Variants in THADA observed in about 807,000 individuals in gnomAD.
THADA encodes tRNA (32-2'-O)-methyltransferase regulator THADA.
A neutral mutation model predicts 219.8 loss-of-function variants in THADA; 213 were observed. That is an observed-to-expected ratio of 0.97 (90% CI 0.87 to 1.09). The LOEUF (loss-of-function observed/expected upper bound fraction) is 1.09. Among genes scored for constraint, THADA ranks in the 50% least tolerant of loss-of-function variants. THADA has a pLI of 0.00. For missense variants in THADA, 2,956 were observed against 2,311.3 expected, an observed-to-expected ratio of 1.28 and a Z score of -5.72; for synonymous variants, 1,018 against 828.9, an observed-to-expected ratio of 1.23 and a Z score of -3.92.
chr2:43,491,078 G>A (rs1029183740), intron 25 of THADA, among the ~76,000 whole-genome samples: 8 of 152,088 alleles, frequency 5.3e-5, no homozygotes, highest in South Asian at 4.1e-4. Context: ...ATGGTTCAAG[G>A]ATATCTGTTT....
chr2:43,335,008 A>G (rs1055776535), intron 30 of THADA, among the ~76,000 whole-genome samples: 2 of 152,202 alleles, frequency 1.3e-5, no homozygotes, highest in Admixed American at 6.5e-5. Flanking sequence ...GAATGAGGCA[A>G]TGGGGATGGG....
At chr2:43,552,046 CAT>C (rs1184586190) in intron 18 of THADA, 121 bp from the exon 19 acceptor site, 1 of 1,537,560 alleles carries the variant, frequency 6.5e-7, no homozygotes, top group African/African-American at 1.4e-5. Context: ...ACATGTGAGA[CAT>C]AAAAATATAC....
intron 26 of THADA, among the ~76,000 whole-genome samples, chr2:43,457,077 G>A (rs1244764231): frequency 6.7e-6 from 1 of 148,272 alleles, no homozygotes; most frequent in African/African-American, 2.5e-5. Context: ...CAGGAAGACA[G>A]CTATGAAGTG....
At chr2:43,237,353 A>G (rs1668149517) in intron 36 of THADA, among the ~76,000 whole-genome samples, 1 of 151,618 alleles carries the variant, frequency 6.6e-6, no homozygotes, top group South Asian at 2.1e-4. Context: ...ATTAAAATGT[A>G]CCGAACACCT....
rs139399561 is a variant in THADA, at chr2:43,256,132, T to C, written c.5297-23250A>G. Among the ~76,000 whole-genome samples the C allele has an allele frequency of 3.5e-3, 526 of 152,284 alleles. 2 individuals carry two copies. The highest frequency in any genetic ancestry group is 0.012 in the African/African-American group (500 of 41,554). ...CACCTGGATGTTCATGAATCCAAGATAGAAGGAATAAAAACACTCCTCCCA... is the reference window on the plus strand; with the variant it reads ...CACCTGGATGTTCATGAATCCAAGACAGAAGGAATAAAAACACTCCTCCCA... On this transcript the variant is annotated intron_variant, in intron 36 of 37. Transcript: ENST00000405975.
intron 26 of THADA, among the ~76,000 whole-genome samples, chr2:43,431,623 G>A (rs181122244): frequency 0.04 from 4,122 of 103,476 alleles, 152 homozygotes; most frequent in South Asian, 0.08. Context: ...CCGCCACCAC[G>A]CCCGGATAAT....
intron 36 of THADA, among the ~76,000 whole-genome samples, chr2:43,262,958 T>C (rs1452215283): frequency 6.6e-6 from 1 of 152,202 alleles, no homozygotes; most frequent in Non-Finnish European, 1.5e-5. Flanking sequence ...TAATGTGCAA[T>C]CATCTCCCAC....
chr2:43,275,338 G>A (rs13026309), intron 36 of THADA, among the ~76,000 whole-genome samples: 75,075 of 151,894 alleles, frequency 0.49, 18,980 homozygotes, highest in Middle Eastern at 0.66. Context: ...AAATGGAGAC[G>A]GGAATGGGAG....
chr2:43,585,010 A>G (rs1285004957), intron 7 of THADA, among the ~76,000 whole-genome samples: 2 of 152,180 alleles, frequency 1.3e-5, no homozygotes, highest in African/African-American at 4.8e-5. Context: ...AGCAACCAGA[A>G]TATTAAGACA....
chr2:43,259,813 G>T (rs115932826), intron 36 of THADA, among the ~76,000 whole-genome samples: 1 of 152,142 alleles, frequency 6.6e-6, no homozygotes, highest in African/African-American at 2.4e-5. Context: ...TTTGGCCCTT[G>T]TGCAAATATT....
chr2:43,594,527 T>C (rs1029912679), intron 1 of THADA, among the ~76,000 whole-genome samples: 2 of 152,094 alleles, frequency 1.3e-5, no homozygotes, highest in Non-Finnish European at 2.9e-5. Context: ...GAGGTTGCAG[T>C]GAGCCGAGAT....
At chr2:43,328,898 C>T (rs989259115) in intron 30 of THADA, among the ~76,000 whole-genome samples, 1 of 152,168 alleles carries the variant, frequency 6.6e-6, no homozygotes, top group Non-Finnish European at 1.5e-5. Flanking sequence ...AATCACCTGC[C>T]TTTCCAGAGA....
Position 43,574,750 on chromosome 2 carries a change from C to T in THADA, c.1315G>A (p.Glu439Lys). ...AATCGTAAAAGACTCTCAGTCAATT[C>T]CACAAAGAAAGGATCAGGGACGAAA... Reference protein sequence around the residue: ...ADFVPDPFFVELTESLLRLEW... With the variant: ...ADFVPDPFFVKLTESLLRLEW... Residue 439 changes from glutamate to lysine, a missense_variant, in exon 11 of 38, where the codon GAA becomes AAA. Transcript: ENST00000405975. The T allele has an allele frequency of 2.5e-6, 4 of 1,613,986 alleles. No individual in the cohort carries two copies. Among genetic ancestry groups the T allele is most frequent in the Non-Finnish European group, 3.4e-6 (4 of 1,179,882 alleles).
At chr2:43,294,836 A>G (rs988065910) in intron 31 of THADA, among the ~76,000 whole-genome samples, 39 of 146,116 alleles carry the variant, frequency 2.7e-4, no homozygotes, top group Non-Finnish European at 4.9e-4. Context: ...AAAAAGGCAA[A>G]AAAGAAAGAA....
intron 29 of THADA, among the ~76,000 whole-genome samples, chr2:43,347,654 GGGAGGAGAAAAATATTT>G: frequency 1.3e-5 from 2 of 152,222 alleles, no homozygotes; most frequent in Admixed American, 1.3e-4. Flanking sequence ...GAAAGAGGTG[GGGAGGAGAAAAATATTT>G]GGGAACTTTC....
chr2:43,574,462 A>G lies in THADA; in HGVS notation c.1603T>C (p.Cys535Arg). 1.2e-6 allele frequency: 2 copies of G among 1,613,658 alleles called. No individual in the cohort carries two copies. The highest frequency in any genetic ancestry group is 1.7e-6 in the Non-Finnish European group (2 of 1,179,694). ...GATTTTTGATCCAAGTTTCCTTCAC[A>G]CAATATAAAAAGGAGAGGAGAAACC... ...TWVSPLLFILCEGNLDQKSYV... is the reference protein window; with the variant it reads ...TWVSPLLFILREGNLDQKSYV... Residue 535 changes from cysteine (C) to arginine (R), a missense_variant, in exon 11 of 38, where the codon TGT becomes CGT. Physicochemically the swap from Cys to Arg is radical, Grantham distance 180. Coordinates refer to ENST00000405975, the MANE Select transcript of THADA (RefSeq NM_022065.5).
chr2:43,504,610 TG>T (rs1689422179), intron 24 of THADA, among the ~76,000 whole-genome samples: 1 of 152,166 alleles, frequency 6.6e-6, no homozygotes. Flanking sequence ...CTGGGCATGG[TG>T]GCTCACACCT....
intron 29 of THADA, among the ~76,000 whole-genome samples, chr2:43,385,399 G>A (rs1672531128): frequency 6.6e-6 from 1 of 152,018 alleles, no homozygotes; most frequent in South Asian, 2.1e-4. Flanking sequence ...GAGGTCAGGA[G>A]ATCGAGACCA....
At chr2:43,457,337 A>T (rs981210033) in intron 26 of THADA, among the ~76,000 whole-genome samples, 2 of 152,164 alleles carry the variant, frequency 1.3e-5, no homozygotes, top group African/African-American at 4.8e-5. Flanking sequence ...ACATATACAC[A>T]AAGAGGTGCA....
Sources: gnomAD v4.1 joint callset for allele counts (sites outside exome capture counted in the v4.1 genomes callset) on GRCh38, gnomAD v4.1.1 for gene constraint, MANE v1.5 for transcripts, NCBI Gene and HGNC (gene_info 2026-07-23, HGNC 2026-07-21) for gene names.